The following PRKDC variants were observed in gnomAD, a reference collection of about 807,000 sequenced individuals.
PRKDC encodes the protein protein kinase, DNA-activated, catalytic subunit, also known as DNA-dependent protein kinase catalytic subunit.
In PRKDC, 82 loss-of-function variants were observed where a neutral mutation model predicts 486.9. The ratio of observed to expected loss-of-function variants is 0.17; its 90% CI spans 0.14 to 0.20. The LOEUF (loss-of-function observed/expected upper bound fraction) is 0.20. Ranked by LOEUF, PRKDC falls within the 10% of genes least tolerant of loss-of-function variation. PRKDC has a pLI of 1.00. For synonymous variants in PRKDC, 1,895 were observed against 1,837.0 expected (o/e 1.03, Z -0.81); for missense variants, 4,504 against 5,038.2 (o/e 0.89, Z 3.21).
rs1360663094 is a variant in PRKDC at position 47,904,892 on chromosome 8, C to A, written c.3019G>T (p.Val1007Phe). The A allele has an allele frequency of 1.2e-6, 2 of 1,610,936 alleles. No homozygotes were observed. Among genetic ancestry groups the A allele is most frequent in the African/African-American group, 2.7e-5 (2 of 74,842 alleles). ...ACCAATATAGCTTCTAGTAAGGCAA[C>A]AGTATCCTGACTTTCAAATTTCTTG... ...NNKKFESQDT[V>F]ALLEAILDGI... Residue 1007 changes from valine to phenylalanine, a missense_variant, in exon 26 of 86, where the codon GTT (valine) becomes TTT (phenylalanine). By Grantham distance (50) the Val-to-Phe change is conservative. Around this residue, in one of 6 missense-constraint regions of PRKDC, gnomAD observed 1,969 missense variants for 2,068.9 expected, o/e 0.95. Transcript: ENST00000314191.
In PRKDC at chr8:47,864,683, G is replaced by A; in HGVS notation, c.5444C>T (p.Thr1815Ile). 2 of 1,607,972 alleles carry A rather than the reference G, an allele frequency of 1.2e-6. No homozygotes were observed. The highest frequency in any genetic ancestry group is 1.7e-6 in the Non-Finnish European group (2 of 1,177,208). ...GGAGCGGTCCACAAAGGACTGGCGTGTGAAACTTAGGCGGGGGTCATCCTT... is the reference window on the plus strand; with the variant it reads ...GGAGCGGTCCACAAAGGACTGGCGTATGAAACTTAGGCGGGGGTCATCCTT... ...FRKDDPRLSF[T>I]RQSFVDRSLL... is the part of the protein sequence containing the mutation. Residue 1815 changes from threonine (T) to isoleucine (I), a missense_variant, in exon 41 of 86, where the codon ACA becomes ATA. By Grantham distance (89) the Thr-to-Ile change is moderately conservative. This residue lies in a region of PRKDC where 1,969 missense variants were observed against 2,068.9 expected (regional missense o/e 0.95). Transcript: ENST00000314191.
Position 47,887,532 on chromosome 8 carries a change from A to G in PRKDC, c.4572+15T>C, listed in dbSNP as rs1345869827. Reference sequence around the variant, plus strand: ...ATTATTAGGGGAGTGCAGCATGCAGAGGCGTTTTTCCTACCAGTCCTCCAA... The same window carrying G: ...ATTATTAGGGGAGTGCAGCATGCAGGGGCGTTTTTCCTACCAGTCCTCCAA... On this transcript the variant is annotated intron_variant, in intron 35 of 85. Coordinates refer to ENST00000314191, the MANE Select transcript of PRKDC (RefSeq NM_006904.7). The G allele has an allele frequency of 9.0e-6, 14 of 1,561,750 alleles. No individual in the cohort carries two copies. Among genetic ancestry groups the G allele is most frequent in the Non-Finnish European group, 1.2e-5 (14 of 1,153,934 alleles).
chr8:47,897,078 C>T, intron 30 of PRKDC, 83 bp downstream of exon 30: 1 of 1,368,328 alleles, frequency 7.3e-7, no homozygotes, highest in Non-Finnish European at 9.9e-7. Flanking sequence ...GCAATGATAC[C>T]CAATTACTCA....
chr8:47,779,016 A>T lies in PRKDC; in HGVS notation c.11567T>A (p.Met3856Lys). The T allele has an allele frequency of 6.3e-7, 1 of 1,595,374 alleles. No homozygotes were observed. The highest frequency in any genetic ancestry group is 8.5e-7 in the Non-Finnish European group (1 of 1,170,820). ...MSGKHDVGAY[M>K]LMYKGANRTE... ...AAACCAAACTTACTTATACATTAGC[A>T]TGTAAGCTCCAACATCATGTTTTCC... The change falls in exon 81 of 86, where the codon ATG becomes AAG. Residue 3856 changes from methionine to lysine, a missense_variant. By Grantham distance (95) the Met-to-Lys change is moderately conservative (BLOSUM62 -1). Transcript: ENST00000314191.
intron 68 of PRKDC, among the ~76,000 whole-genome samples, chr8:47,813,388 G>C (rs886477397): frequency 2.0e-4 from 30 of 151,908 alleles, no homozygotes; most frequent in African/African-American, 4.3e-4. Flanking sequence ...AAAGTGCTGG[G>C]ATTACAGGTG....
chr8:47,829,577 TTAAG>T (rs1355716404), intron 61 of PRKDC, among the ~76,000 whole-genome samples: 2 of 152,176 alleles, frequency 1.3e-5, no homozygotes, highest in African/African-American at 4.8e-5. Flanking sequence ...ATTGTTTATT[TTAAG>T]TAATATATTT....
chr8:47,884,118 TC>T (rs1242781694), intron 36 of PRKDC, among the ~76,000 whole-genome samples: 1 of 152,248 alleles, frequency 6.6e-6, no homozygotes, highest in Non-Finnish European at 1.5e-5. Context: ...TTTCCTCTTT[TC>T]CTGATGGTAT....
chr8:47,844,692 C>T (rs1241510014), intron 54 of PRKDC, among the ~76,000 whole-genome samples: 1 of 152,156 alleles, frequency 6.6e-6, no homozygotes, highest in African/African-American at 2.4e-5. Context: ...CAAGCACACA[C>T]TCAGACCACA....
At chr8:47,910,198 T>C (rs1456977241) in intron 25 of PRKDC, among the ~76,000 whole-genome samples, 1 of 152,108 alleles carries the variant, frequency 6.6e-6, no homozygotes, top group East Asian at 1.9e-4. Context: ...GTTCCCCCAA[T>C]ATTCCTCTTA....
At chr8:47,864,848 A>T in intron 40 of PRKDC, 85 bp from the exon 41 acceptor site, 1 of 1,152,428 alleles carries the variant, frequency 8.7e-7, no homozygotes, top group Non-Finnish European at 1.2e-6. Flanking sequence ...GGCAAAGTAA[A>T]CACCAGTGAT....
intron 7 of PRKDC, among the ~76,000 whole-genome samples, chr8:47,949,039 G>A (rs1053490861): frequency 2.6e-5 from 4 of 152,240 alleles, no homozygotes; most frequent in Non-Finnish European, 5.9e-5. Flanking sequence ...GCAGGGCTGT[G>A]CTCCTTCCAA....
chr8:47,821,877 C>A, intron 64 of PRKDC, 85 bp from the exon 65 acceptor site: 1 of 1,185,876 alleles, frequency 8.4e-7, no homozygotes, highest in East Asian at 2.7e-5. Flanking sequence ...ATGTAACAAT[C>A]ACACTAAAAA....
intron 47 of PRKDC, 84 bp from the exon 48 acceptor site, chr8:47,858,719 T>A: frequency 1.4e-6 from 2 of 1,444,730 alleles, no homozygotes; most frequent in Non-Finnish European, 1.8e-6. Context: ...AAGGACAAAG[T>A]AAGACATGAA....
chr8:47,803,259 A>C, intron 70 of PRKDC, 47 bp downstream of exon 70: 1 of 1,537,504 alleles, frequency 6.5e-7, no homozygotes, highest in Non-Finnish European at 8.8e-7. Context: ...ACAAGACAAT[A>C]TAACACAGCC....
chr8:47,898,624 A>G (rs955866796), intron 28 of PRKDC, 55 bp from the exon 29 acceptor site: 13 of 1,082,152 alleles, frequency 1.2e-5, no homozygotes, highest in Non-Finnish European at 1.6e-5. Flanking sequence ...GCTGATTATT[A>G]TTAAATTTGT....
chr8:47,936,782 A>G (rs1170384239), intron 11 of PRKDC, among the ~76,000 whole-genome samples: 2 of 128,656 alleles, frequency 1.6e-5, no homozygotes, highest in South Asian at 5.0e-4. Flanking sequence ...ACGCCTGGCT[A>G]TTTTTTTTTT....
chr8:47,879,572 G>T lies in PRKDC; in HGVS notation c.5154C>A (p.Ile1718=), dbSNP rs760474456. The T allele has an allele frequency of 1.3e-6, 2 of 1,598,326 alleles. No homozygotes were observed. The highest frequency in any genetic ancestry group is 1.3e-5 in the African/African-American group (1 of 74,758). Residue 1718 remains isoleucine, a synonymous_variant, in exon 39 of 86, where the codon ATC becomes ATA. Coordinates refer to ENST00000314191, the MANE Select transcript of PRKDC (RefSeq NM_006904.7). ...TGGACTGCATGGGGAAGTGAGCAACGATGAGCTGCTCCAGAACACGTCTAA... is the reference window on the plus strand; with the variant it reads ...TGGACTGCATGGGGAAGTGAGCAACTATGAGCTGCTCCAGAACACGTCTAA... ...EELRRVLEQL[I]VAHFPMQSRE...
Position 47,774,092 on chromosome 8 carries a change from A to T in PRKDC, c.*81T>A, listed in dbSNP as rs563291891. ...TTCTCTTTAGTGTTTCAGGAAAATC[A>T]GCTCATGGAATGCTGCCAACCAAAG... On this transcript the variant is annotated 3_prime_UTR_variant, in exon 86 of 86. Coordinates refer to ENST00000314191, the MANE Select transcript of PRKDC (RefSeq NM_006904.7). 310 of 1,362,714 alleles carry T rather than the reference A, an allele frequency of 2.3e-4. No individual in the cohort carries two copies. The highest frequency in any genetic ancestry group is 2.2e-3 in the Middle Eastern group (9 of 4,072). 84.4% of individuals were successfully genotyped at this position (1,362,714 alleles called of 1,614,324 possible). A position where few individuals can be genotyped will look rare whatever the true frequency, so the allele number is the denominator to read the frequency against.
Position 47,927,876 on chromosome 8 carries a change from C to T in PRKDC, c.2154G>A (p.Met718Ile). 6.4e-7 allele frequency: 1 copy of T among 1,574,688 alleles called. No individual in the cohort carries two copies. The highest frequency in any genetic ancestry group is 1.2e-5 in the South Asian group (1 of 83,054). ...VKFGKEVAVK[M>I]KQYKDELLAS... ...CCAAAAGTTCATCTTTGTACTGCTT[C>T]ATTTTAACTGCCACCTTAACAAGAA... The change falls in exon 20 of 86, where the codon ATG becomes ATA. Residue 718 changes from methionine to isoleucine, a missense_variant. Coordinates refer to ENST00000314191, the MANE Select transcript of PRKDC (RefSeq NM_006904.7).
Sources: allele counts gnomAD v4.1 joint callset (sites outside exome capture counted in the v4.1 genomes callset), GRCh38; gene constraint gnomAD v4.1.1; regional missense constraint gnomAD v4.1.1; transcripts MANE v1.5; gene names NCBI Gene and HGNC (gene_info 2026-07-23, HGNC 2026-07-21).